STK10: variants seen among roughly 807,000 people sequenced by gnomAD.
STK10 encodes the protein serine/threonine kinase 10, also known as serine/threonine-protein kinase 10.
In STK10, 78 loss-of-function variants were observed where a neutral mutation model predicts 113.8. The ratio of observed to expected loss-of-function variants is 0.69; its 90% confidence interval spans 0.57 to 0.83. STK10 has a LOEUF of 0.83. STK10 is among the 40% of genes least tolerant of loss of function. The pLI is 0.00. For missense variants in STK10, 1,109 were observed against 1,280.1 expected (o/e 0.87, Z 2.04); for synonymous variants, 465 against 494.7 (o/e 0.94, Z 0.80).
At chr5:172,161,280 C>T (rs754343806) in intron 1 of STK10, among the ~76,000 whole-genome samples, 2 of 151,986 alleles carry the variant, frequency 1.3e-5, no homozygotes, top group African/African-American at 4.8e-5. Flanking sequence ...GGTGAAACCT[C>T]GTCTCTACTA....
intron 8 of STK10, among the ~76,000 whole-genome samples, chr5:172,095,274 G>A (rs968840228): frequency 6.6e-6 from 1 of 152,192 alleles, no homozygotes; most frequent in African/African-American, 2.4e-5. Context: ...CAAAAACGCA[G>A]ATCTGATTCT....
Position 172,138,307 on chromosome 5 carries a change from A to G in STK10, c.322-10886T>C, listed in dbSNP as rs192936470. 6.3e-3 allele frequency among the ~76,000 whole-genome samples: 958 copies of G among 152,150 alleles called. 4 individuals carry two copies. The highest frequency in any genetic ancestry group is 0.01 in the Non-Finnish European group (713 of 67,994). The stretch of plus-strand genomic sequence containing the variant: ...TGGCTAATTTTTTTGTATTTTTAGT[A>G]GAGAGGGGGTTTCACCATATTGGCC... On this transcript the variant is annotated intron_variant, in intron 2 of 18. Transcript: ENST00000176763.
intron 16 of STK10, 32 bp from the exon 17 acceptor site, chr5:172,054,726 G>T: frequency 6.2e-7 from 1 of 1,604,734 alleles, no homozygotes; most frequent in South Asian, 1.1e-5. Flanking sequence ...TGCCTCAGGG[G>T]ACCAGGGCCT....
At chr5:172,179,363 C>T (rs1221903800) in intron 1 of STK10, among the ~76,000 whole-genome samples, 2 of 152,180 alleles carry the variant, frequency 1.3e-5, no homozygotes, top group Non-Finnish European at 2.9e-5. Context: ...GTTCCACTAC[C>T]CTCAGCAGCA....
chr5:172,153,664 A>G (rs888369760), intron 2 of STK10, among the ~76,000 whole-genome samples: 1 of 152,258 alleles, frequency 6.6e-6, no homozygotes, highest in Non-Finnish European at 1.5e-5. Context: ...GTTTTGTCAA[A>G]GATATCCACA....
chr5:172,073,257 ATT>A (rs1322016508), intron 12 of STK10, among the ~76,000 whole-genome samples: 5 of 152,044 alleles, frequency 3.3e-5, no homozygotes, highest in African/African-American at 1.2e-4. Context: ...GGTTCAAGCA[ATT>A]CTCCTGCTTC....
At chr5:172,048,627 A>C (rs1324083938) in intron 18 of STK10, among the ~76,000 whole-genome samples, 6 of 141,828 alleles carry the variant, frequency 4.2e-5, no homozygotes, top group African/African-American at 1.8e-4. Flanking sequence ...CTAGTTCAAG[A>C]TACCACCCTA....
At chr5:172,105,995 C>A (rs11954190) in intron 6 of STK10, among the ~76,000 whole-genome samples, 5,967 of 152,268 alleles carry the variant, frequency 0.039, 369 homozygotes, top group African/African-American at 0.13. Context: ...GGATTTGAAC[C>A]CAGGCCCCCG....
chr5:172,081,827 CCT>C (rs1768437803), intron 12 of STK10, among the ~76,000 whole-genome samples: 1 of 152,198 alleles, frequency 6.6e-6, no homozygotes, highest in Non-Finnish European at 1.5e-5. Context: ...CACTCAGATG[CCT>C]CTCTCCAGAG....
intron 7 of STK10, 77 bp downstream of exon 7, chr5:172,105,579 T>G: frequency 3.4e-6 from 5 of 1,489,148 alleles, no homozygotes; most frequent in Non-Finnish European, 4.7e-6. Context: ...GGTGAGAACA[T>G]GCCCAGCGTC....
chr5:172,058,498 T>C lies in STK10; in HGVS notation c.2213-1025A>G, dbSNP rs1197511960. 3.3e-5 allele frequency among the ~76,000 whole-genome samples: 5 copies of C among 152,350 alleles called. No homozygotes were observed. In the East Asian group the frequency reaches 5.8e-4, roughly 18 times the overall value. On this transcript the variant is annotated intron_variant, in intron 14 of 18. Transcript: ENST00000176763. ...TGAGCCAAAAATTGCCCTGGGATAT[T>C]GGCCTCGTGTTGTTTACTTCCTCAC...
chr5:172,057,405 G>T lies in STK10; in HGVS notation c.2281C>A (p.Gln761Lys), dbSNP rs1485904551. ...LQERHQLVKQ[Q>K]LKDQYFLQRH... ...TGGAGGAAGTACTGGTCTTTGAGCT[G>T]CTGCTTCACCAGCTGGTGCCTCTCC... Residue 761 changes from glutamine (Q) to lysine (K), a missense_variant, in exon 15 of 19, where the codon CAG becomes AAG. Physicochemically the swap from Gln to Lys is moderately conservative, Grantham distance 53. Coordinates refer to ENST00000176763, the MANE Select transcript of STK10 (RefSeq NM_005990.4). 1 of 1,555,166 alleles carries T rather than the reference G, an allele frequency of 6.4e-7. No homozygotes were observed. The highest frequency in any genetic ancestry group is 8.7e-7 in the Non-Finnish European group (1 of 1,149,598).
intron 7 of STK10, among the ~76,000 whole-genome samples, chr5:172,105,307 T>A (rs923481811): frequency 4.6e-5 from 7 of 151,804 alleles, no homozygotes; most frequent in African/African-American, 1.7e-4. Flanking sequence ...CCCTTCCTTA[T>A]CCTCCCTTAC....
chr5:172,184,447 C>A (rs1770916389), intron 1 of STK10, among the ~76,000 whole-genome samples: 1 of 151,968 alleles, frequency 6.6e-6, no homozygotes. Flanking sequence ...CTTCTCTGGG[C>A]ACCGGGACAT....
rs756246813 is a variant in STK10, at chr5:172,082,389, G to A, written c.1926C>T (p.Ile642=). Residue 642 remains isoleucine (I), a synonymous_variant, in exon 12 of 19, where the codon ATC becomes ATT. Coordinates refer to ENST00000176763, the MANE Select transcript of STK10 (RefSeq NM_005990.4). This position sits in a 1 kb window ranked among gnomAD's most constrained non-coding sequence, Gnocchi z 4.3. The part of the protein sequence containing the change: ...AVRRREEARR[I]RLEQDRDYTR... ...TGTAGTCCCGATCCTGCTCCAGGCG[G>A]ATCCGCCTGGCCTCCTCCCGGCGGC... The A allele has an allele frequency of 6.8e-6, 11 of 1,608,036 alleles. No homozygotes were observed. Among genetic ancestry groups the A allele is most frequent in the Non-Finnish European group, 8.5e-6 (10 of 1,177,604 alleles).
At chr5:172,048,408 T>TACACACACA (rs1239719749) in intron 18 of STK10, among the ~76,000 whole-genome samples, 1 of 51,636 alleles carries the variant, frequency 1.9e-5, no homozygotes, top group African/African-American at 1.1e-4. Context: ...TCCCTCTCCC[T>TACACACACA]CTCCCTACAC....
chr5:172,153,537 C>A (rs996004235), intron 2 of STK10, among the ~76,000 whole-genome samples: 9 of 152,210 alleles, frequency 5.9e-5, no homozygotes, highest in African/African-American at 2.2e-4. Flanking sequence ...ACCTCCACCC[C>A]ACTCGGGGGA....
chr5:172,107,801 G>C lies in STK10; in HGVS notation c.572C>G (p.Ser191Cys). 6.2e-7 allele frequency: 1 copy of C among 1,614,166 alleles called. No homozygotes were observed. The highest frequency in any genetic ancestry group is 1.3e-5 in the African/African-American group (1 of 75,050). The change falls in exon 5 of 19, where the codon TCC becomes TGC. Residue 191 changes from serine to cysteine, a missense_variant. By Grantham distance (112) the Ser-to-Cys change is moderately radical. Around this residue, in one of 5 missense-constraint regions of STK10, gnomAD observed 44 missense variants for 84.4 expected, o/e 0.52. Transcript: ENST00000176763. ...KNLKTLQKRD[S>C]FIGTPYWMAP... ...TCACCAGTAAGGCGTGCCGATGAAG[G>C]AATCTCGTTTCTGTAGAGTCTTCAG...
Position 172,187,468 on chromosome 5 carries a change from T to C in STK10, c.156+419A>G, listed in dbSNP as rs964912728. 1.3e-4 allele frequency among the ~76,000 whole-genome samples: 20 copies of C among 152,022 alleles called. No homozygotes were observed. Among genetic ancestry groups the C allele is most frequent in the Non-Finnish European group, 1.2e-4 (8 of 68,028 alleles). On this transcript the variant is annotated intron_variant, in intron 1 of 18. Transcript: ENST00000176763. This position sits in a 1 kb window ranked among gnomAD's most constrained non-coding sequence, Gnocchi z 4.6. ...AGTTTCTCGGTCCACATCGCCTCGA[T>C]ATTCCCACAGCATCTGTGGTCTCTC...
Sources: gnomAD v4.1 joint callset for allele counts (sites outside exome capture counted in the v4.1 genomes callset) on GRCh38, gnomAD v4.1.1 for gene constraint, gnomAD v4.1.1 regional missense constraint, Gnocchi (gnomAD v3.1) non-coding constraint, MANE v1.5 for transcripts, NCBI Gene and HGNC (gene_info 2026-07-23, HGNC 2026-07-21) for gene names.